Variants in RELN observed in about 807,000 individuals in gnomAD.
RELN encodes reelin.
In RELN, 108 loss-of-function variants were observed where a neutral mutation model predicts 427.6. That is an observed-to-expected ratio of 0.25 (90% CI 0.22 to 0.30). The LOEUF (loss-of-function observed/expected upper bound fraction) is 0.30, where lower values mean the gene tolerates loss of function less well. RELN is among the 10% of genes least tolerant of loss of function. The probability of loss-of-function intolerance (pLI) is 1.00; values close to 1 mark genes in which losing one functional copy is unlikely to be tolerated. For synonymous variants in RELN, 1,524 were observed against 1,513.4 expected, an observed-to-expected ratio of 1.01 and a Z score of -0.16; for missense variants, 3,715 against 4,302.8, an observed-to-expected ratio of 0.86 and a Z score of 3.82.
At chr7:103,854,572 T>C (rs1348617995) in intron 2 of RELN, among the ~76,000 whole-genome samples, 1 of 152,152 alleles carries the variant, frequency 6.6e-6, no homozygotes, top group Non-Finnish European at 1.5e-5. Flanking sequence ...TTAAGAGACT[T>C]AGTATGAAAA....
At chr7:103,661,585 A>G in intron 11 of RELN, 58 bp from the exon 12 acceptor site, 1 of 1,509,962 alleles carries the variant, frequency 6.6e-7, no homozygotes, top group African/African-American at 1.4e-5. Flanking sequence ...ATCTTTATAA[A>G]GAATAACATT....
chr7:103,473,052 A>T (rs1827910993), intron 64 of RELN, 144 bp from the exon 65 acceptor site: 1 of 769,262 alleles, frequency 1.3e-6, no homozygotes, highest in African/African-American at 1.7e-5. Context: ...TCATGCTCAC[A>T]TTACCACCCA....
chr7:103,502,941 G>T, intron 52 of RELN, 75 bp downstream of exon 52: 1 of 1,213,144 alleles, frequency 8.2e-7, no homozygotes, highest in Non-Finnish European at 1.2e-6. Context: ...CATAATTTCA[G>T]GCATGACAAC....
chr7:103,659,358 C>A (rs1833089642), intron 12 of RELN, among the ~76,000 whole-genome samples: 1 of 152,022 alleles, frequency 6.6e-6, no homozygotes, highest in African/African-American at 2.4e-5. Context: ...TCCACACTAC[C>A]TAGAGAAAGA....
chr7:103,791,498 A>C (rs1792160808), intron 3 of RELN, among the ~76,000 whole-genome samples: 1 of 152,216 alleles, frequency 6.6e-6, no homozygotes, highest in African/African-American at 2.4e-5. Context: ...AGGTCTTTAA[A>C]ACAAATAATG....
intron 6 of RELN, among the ~76,000 whole-genome samples, chr7:103,743,719 T>C (rs1433841978): frequency 6.6e-6 from 1 of 152,200 alleles, no homozygotes; most frequent in African/African-American, 2.4e-5. Flanking sequence ...CTAACTATCC[T>C]AAATATATAT....
chr7:103,806,469 C>A (rs1792602759), intron 3 of RELN, among the ~76,000 whole-genome samples: 1 of 152,018 alleles, frequency 6.6e-6, no homozygotes, highest in Non-Finnish European at 1.5e-5. Context: ...GGATTACAGG[C>A]ACCCGCCACC....
At chr7:103,945,923 C>G (rs1796211180) in intron 1 of RELN, among the ~76,000 whole-genome samples, 1 of 152,258 alleles carries the variant, frequency 6.6e-6, no homozygotes, top group African/African-American at 2.4e-5. Flanking sequence ...GCCTAGGTGT[C>G]TCCTAGGCTG....
chr7:103,664,705 T>C (rs1833219433), intron 11 of RELN, among the ~76,000 whole-genome samples: 1 of 152,188 alleles, frequency 6.6e-6, no homozygotes, highest in Non-Finnish European at 1.5e-5. Flanking sequence ...ATCTCAACTT[T>C]GCATTTACAT....
intron 1 of RELN, among the ~76,000 whole-genome samples, chr7:103,950,772 C>T (rs749283242): frequency 1.4e-4 from 22 of 152,030 alleles, no homozygotes; most frequent in Non-Finnish European, 4.4e-5. Flanking sequence ...ATTTCCTTTC[C>T]AATGTTGGAT....
intron 2 of RELN, among the ~76,000 whole-genome samples, chr7:103,881,863 G>T (rs1055810639): frequency 6.6e-6 from 1 of 152,052 alleles, no homozygotes; most frequent in Non-Finnish European, 1.5e-5. Context: ...GGCAGCAATG[G>T]ATATACAAAA....
chr7:103,688,683 A>G (rs1833811653), intron 10 of RELN, among the ~76,000 whole-genome samples: 1 of 152,032 alleles, frequency 6.6e-6, no homozygotes. Context: ...TGACAACAGT[A>G]CTAGATGGGT....
chr7:103,547,153 C>G (rs894558403), intron 41 of RELN, among the ~76,000 whole-genome samples: 1 of 152,094 alleles, frequency 6.6e-6, no homozygotes, highest in Non-Finnish European at 1.5e-5. Context: ...ATCATAGAAA[C>G]TAAATTCTGA....
At chr7:103,945,515 G>T (rs1796202990) in intron 1 of RELN, among the ~76,000 whole-genome samples, 1 of 152,044 alleles carries the variant, frequency 6.6e-6, no homozygotes, top group South Asian at 2.1e-4. Context: ...TCCCTGCAAA[G>T]AATGCTCTTC....
intron 2 of RELN, among the ~76,000 whole-genome samples, chr7:103,890,905 G>A (rs1419864675): frequency 3.3e-5 from 5 of 151,950 alleles, no homozygotes; most frequent in African/African-American, 1.2e-4. Flanking sequence ...GTGAAACCCC[G>A]TCTCTACTAA....
chr7:103,865,882 C>T (rs1011855268), intron 2 of RELN, among the ~76,000 whole-genome samples: 1 of 152,102 alleles, frequency 6.6e-6, no homozygotes, highest in Non-Finnish European at 1.5e-5. Context: ...CAACACAGTA[C>T]AGAAAGTATT....
intron 8 of RELN, among the ~76,000 whole-genome samples, chr7:103,715,094 T>G (rs1414976584): frequency 6.6e-6 from 1 of 152,170 alleles, no homozygotes; most frequent in African/African-American, 2.4e-5. Context: ...ACCTCTGTTT[T>G]GCCCACCAAA....
intron 57 of RELN, among the ~76,000 whole-genome samples, chr7:103,493,840 G>A (rs17151768): frequency 0.2 from 30,678 of 152,018 alleles, 3,690 homozygotes; most frequent in African/African-American, 0.34. Context: ...TTGATATTGG[G>A]TACGGTAAGT....
intron 62 of RELN, 32 bp downstream of exon 62, chr7:103,483,621 T>G: frequency 2.7e-4 from 437 of 1,600,722 alleles, no homozygotes; most frequent in Non-Finnish European, 3.5e-4. Flanking sequence ...GGATTGTGCA[T>G]GAGACCATGC....
Sources: gnomAD v4.1 joint callset for allele counts (sites outside exome capture counted in the v4.1 genomes callset) on GRCh38, gnomAD v4.1.1 for gene constraint, MANE v1.5 for transcripts, NCBI Gene and HGNC (gene_info 2026-07-23, HGNC 2026-07-21) for gene names.